Variants in COLGALT2 observed in about 807,000 individuals in gnomAD.
COLGALT2 encodes procollagen galactosyltransferase 2.
In COLGALT2, 49 loss-of-function variants were observed where a neutral mutation model predicts 73.4. The ratio of observed to expected loss-of-function variants is 0.67; its 90% CI spans 0.53 to 0.85. COLGALT2 has a LOEUF of 0.85. Ranked by LOEUF, COLGALT2 falls within the 40% of genes least tolerant of loss-of-function variation. The pLI is 0.00. For missense variants in COLGALT2, 722 were observed against 790.2 expected (o/e 0.91, Z 1.03); for synonymous variants, 295 against 307.6 (o/e 0.96, Z 0.43).
chr1:183,944,096 A>G, intron 10 of COLGALT2, 100 bp downstream of exon 10: 3 of 1,320,156 alleles, frequency 2.3e-6, no homozygotes, highest in Non-Finnish European at 2.0e-6. Flanking sequence ...GTGGAAGCTT[A>G]AGCTGTATCT....
intron 1 of COLGALT2, among the ~76,000 whole-genome samples, chr1:183,988,872 T>C (rs1671558013): frequency 6.6e-6 from 1 of 152,308 alleles, no homozygotes; most frequent in African/African-American, 2.4e-5. Context: ...TTAAATACTA[T>C]GGAAAAAGAA....
chr1:183,975,349 C>A, intron 2 of COLGALT2, 135 bp from the exon 3 acceptor site: 1 of 580,630 alleles, frequency 1.7e-6, no homozygotes, highest in Non-Finnish European at 3.0e-6. Flanking sequence ...ATCATCATCC[C>A]CATATTACAG....
At chr1:183,969,499 G>A (rs1053491447) in intron 4 of COLGALT2, 26 bp from the exon 5 acceptor site, 3 of 1,571,642 alleles carry the variant, frequency 1.9e-6, no homozygotes, top group Non-Finnish European at 2.6e-6. Context: ...TAGGTGGGTT[G>A]TGTTTTCTGA....
At chr1:183,949,177 A>G (rs1002980576) in intron 8 of COLGALT2, among the ~76,000 whole-genome samples, 1 of 152,216 alleles carries the variant, frequency 6.6e-6, no homozygotes, top group Non-Finnish European at 1.5e-5. Flanking sequence ...TACAGACTCA[A>G]TGCAATTCCT....
downstream of COLGALT2, among the ~76,000 whole-genome samples, chr1:183,933,419 C>T (rs1021473356): frequency 4.6e-5 from 7 of 152,210 alleles, no homozygotes; most frequent in Admixed American, 2.6e-4. Flanking sequence ...ATGGTTTCCT[C>T]CCCTGAGCTA....
chr1:183,964,249 T>C (rs927478583), intron 5 of COLGALT2: 10 of 440,274 alleles, frequency 2.3e-5, no homozygotes, highest in African/African-American at 1.4e-4. Flanking sequence ...CCAGAGGAAA[T>C]TGATTTTTTC....
chr1:183,996,822 A>T (rs1037274852), intron 1 of COLGALT2, among the ~76,000 whole-genome samples: 1 of 152,228 alleles, frequency 6.6e-6, no homozygotes, highest in Non-Finnish European at 1.5e-5. Context: ...ACATGGGTTG[A>T]GGAAATGACC....
intron 4 of COLGALT2, among the ~76,000 whole-genome samples, chr1:183,972,669 C>A (rs1327098098): frequency 6.6e-6 from 1 of 151,194 alleles, no homozygotes; most frequent in Non-Finnish European, 1.5e-5. Context: ...TGGCAACATA[C>A]ATCGAAGGTC....
intron 1 of COLGALT2, among the ~76,000 whole-genome samples, chr1:184,033,377 T>C (rs1649574862): frequency 6.6e-6 from 1 of 152,174 alleles, no homozygotes; most frequent in African/African-American, 2.4e-5. Flanking sequence ...GTTCCCTTCA[T>C]CTCAGCATAT....
intron 4 of COLGALT2, 74 bp from the exon 5 acceptor site, chr1:183,969,547 G>T: frequency 1.5e-6 from 2 of 1,351,998 alleles, no homozygotes; most frequent in Non-Finnish European, 1.0e-6. Context: ...TTGCTAGACT[G>T]ATTCCTTTCA....
chr1:183,972,822 T>C (rs532604408), intron 4 of COLGALT2, among the ~76,000 whole-genome samples: 20 of 152,162 alleles, frequency 1.3e-4, no homozygotes, highest in East Asian at 7.8e-4. Flanking sequence ...GCCTCAGCCT[T>C]CCGAGTAGCT....
At chr1:183,982,237 C>G (rs74130494) in intron 1 of COLGALT2, among the ~76,000 whole-genome samples, 1,556 of 152,170 alleles carry the variant, frequency 0.01, 23 homozygotes, top group African/African-American at 0.036. Context: ...ATGTTAGGAC[C>G]AAGATGGGGT....
intron 4 of COLGALT2, among the ~76,000 whole-genome samples, chr1:183,972,983 G>A (rs922424846): frequency 1.3e-5 from 2 of 152,180 alleles, no homozygotes; most frequent in African/African-American, 2.4e-5. Context: ...ACAGGTGTGA[G>A]CCACCGCGCC....
chr1:183,988,299 T>C (rs1299203620), intron 1 of COLGALT2, among the ~76,000 whole-genome samples: 3 of 152,200 alleles, frequency 2.0e-5, no homozygotes, highest in Non-Finnish European at 4.4e-5. Context: ...CTCCTCTCAT[T>C]GCGCAGCAAC....
intron 10 of COLGALT2, among the ~76,000 whole-genome samples, chr1:183,943,970 G>A (rs1035774365): frequency 3.3e-5 from 5 of 152,200 alleles, no homozygotes; most frequent in African/African-American, 1.2e-4. Context: ...CCGACTCCAG[G>A]TCTCAGACAA....
intron 8 of COLGALT2, among the ~76,000 whole-genome samples, chr1:183,950,145 G>A (rs1287683847): frequency 6.6e-6 from 1 of 152,132 alleles, no homozygotes; most frequent in Non-Finnish European, 1.5e-5. Context: ...ATCACCTTGA[G>A]GCTTCTTAAA....
intron 1 of COLGALT2, among the ~76,000 whole-genome samples, chr1:184,013,125 G>T (rs1648865972): frequency 6.6e-6 from 1 of 152,200 alleles, no homozygotes; most frequent in Admixed American, 6.5e-5. Context: ...GACCAGCTTG[G>T]CCACCATGGT....
In COLGALT2 at chr1:183,938,362, T is replaced by C; in HGVS notation, c.*399A>G. 9.7e-7 allele frequency: 1 copy of C among 1,033,336 alleles called. No homozygotes were observed. 64.0% of individuals were successfully genotyped at this position (1,033,336 alleles called of 1,614,324 possible). ...ACAAACTAGACCAATAAGTGTGGTCTAGTTGGCCTGGCTGCCTTGACTACA... is the reference window on the plus strand; with the variant it reads ...ACAAACTAGACCAATAAGTGTGGTCCAGTTGGCCTGGCTGCCTTGACTACA... On this transcript the variant is annotated 3_prime_UTR_variant, in exon 12 of 12. Coordinates refer to ENST00000361927, the MANE Select transcript of COLGALT2 (RefSeq NM_015101.4).
chr1:183,956,210 C>T (rs1355173161), intron 6 of COLGALT2, among the ~76,000 whole-genome samples: 1 of 152,190 alleles, frequency 6.6e-6, no homozygotes, highest in East Asian at 1.9e-4. Flanking sequence ...TGTTTAACTT[C>T]ACTGAAATAT....
Sources: allele counts gnomAD v4.1 joint callset (sites outside exome capture counted in the v4.1 genomes callset), GRCh38; gene constraint gnomAD v4.1.1; transcripts MANE v1.5; gene names NCBI Gene and HGNC (gene_info 2026-07-23, HGNC 2026-07-21).